GSPT1: variants seen among roughly 807,000 people sequenced by gnomAD.
GSPT1 encodes G1 to S phase transition 1.
Under a neutral mutation model 72.5 loss-of-function variants are expected in GSPT1, and 20 were observed. That is an observed-to-expected ratio of 0.28 (90% CI 0.19 to 0.40). The LOEUF (loss-of-function observed/expected upper bound fraction) is 0.40, where lower values mean the gene tolerates loss of function less well. Among genes scored for constraint, GSPT1 ranks in the 10% least tolerant of loss-of-function variants. GSPT1 has a pLI of 1.00. For missense variants in GSPT1, 580 were observed against 811.9 expected, an observed-to-expected ratio of 0.71 and a Z score of 3.47; for synonymous variants, 334 against 293.5, an observed-to-expected ratio of 1.14 and a Z score of -1.41.
At chr16:11,895,340 A>G in intron 4 of GSPT1, 1 of 179,264 alleles carries the variant, frequency 5.6e-6, no homozygotes. Flanking sequence ...CTGAGGCAGG[A>G]GAATCGCGTG....
At chr16:11,912,433 T>C (rs1049695776) in intron 1 of GSPT1, among the ~76,000 whole-genome samples, 2 of 152,110 alleles carry the variant, frequency 1.3e-5, no homozygotes, top group African/African-American at 4.8e-5. Context: ...ACAGAATGTT[T>C]CTCTTTAAAA....
upstream of GSPT1, chr16:11,915,975 C>T: frequency 1.4e-6 from 1 of 713,282 alleles, no homozygotes; most frequent in Non-Finnish European, 2.6e-6. Context: ...TCCCACCCAA[C>T]CACCTCCGAC....
At position 11,875,849 on chromosome 16, in the gene GSPT1, G is replaced by A. The variant is rs1292873394; in HGVS notation, c.1773C>T (p.Cys591=). ...RPRFVKQDQV[C]IARLRTAGTI... is the part of the protein sequence containing the mutation. The stretch of plus-strand genomic sequence containing the variant: ...TTCCTGCTGTCCTTAAGCGAGCAAT[G>A]CATACTTGATCTTGTTTGACAAAAC... Residue 591 remains cysteine, a synonymous_variant, in exon 14 of 15, where the codon TGC becomes TGT. Transcript: ENST00000434724. The A allele has an allele frequency of 1.2e-6, 2 of 1,613,282 alleles. No homozygotes were observed. Among genetic ancestry groups the A allele is most frequent in the East Asian group, 2.2e-5 (1 of 44,872 alleles).
chr16:11,887,989 CTGTCTCTACCGAAA>C (rs1234649495), intron 6 of GSPT1, among the ~76,000 whole-genome samples: 6 of 151,946 alleles, frequency 3.9e-5, no homozygotes. Context: ...TGGTGAAGCC[CTGTCTCTACCGAAA>C]ATACAAAAAT....
rs2053961733 is a variant in GSPT1, at chr16:11,870,068, T to C, written c.*3051A>G. On this transcript the variant is annotated 3_prime_UTR_variant, in exon 15 of 15. Coordinates refer to ENST00000434724, the MANE Select transcript of GSPT1 (RefSeq NM_002094.4). ...GTGAACAACCTGCACTGTTAGAGTT[T>C]AGGAACTTTTGACATTCGGTTATCA... 6.6e-6 allele frequency: 1 copy of C among 152,126 alleles called. No individual in the cohort carries two copies. Among genetic ancestry groups the C allele is most frequent in the African/African-American group, 2.4e-5 (1 of 41,440 alleles). 9.4% of individuals were successfully genotyped at this position (152,126 alleles called of 1,614,324 possible).
At chr16:11,906,885 C>A (rs1365329994) in intron 1 of GSPT1, among the ~76,000 whole-genome samples, 1 of 152,102 alleles carries the variant, frequency 6.6e-6, no homozygotes, top group African/African-American at 2.4e-5. Context: ...ACGATCCCAT[C>A]TCTGAACAAA....
At chr16:11,908,108 G>A (rs1402620408) in intron 1 of GSPT1, 1 of 152,370 alleles carries the variant, frequency 6.6e-6, no homozygotes, top group Non-Finnish European at 1.5e-5. Flanking sequence ...TGGGGATGGT[G>A]GTGCACACGT....
At chr16:11,888,426 C>T (rs1305440728) in intron 6 of GSPT1, among the ~76,000 whole-genome samples, 1 of 149,772 alleles carries the variant, frequency 6.7e-6, no homozygotes, top group Admixed American at 6.7e-5. Context: ...CGTGCCATCG[C>T]ACTCCAGGCT....
intron 4 of GSPT1, chr16:11,895,450 C>T (rs955100908): frequency 1.4e-5 from 2 of 143,670 alleles, no homozygotes; most frequent in African/African-American, 5.1e-5. Flanking sequence ...AAAAAAAAAC[C>T]ACTTAAAAAC....
chr16:11,876,962 T>C (rs1340468352), intron 12 of GSPT1, among the ~76,000 whole-genome samples: 8 of 152,172 alleles, frequency 5.3e-5, no homozygotes, highest in African/African-American at 1.9e-4. Context: ...AAAAGAACTT[T>C]AAAAAATTCT....
Position 11,886,779 on chromosome 16 carries a change from C to T in GSPT1, c.1110G>A (p.Glu370=), listed in dbSNP as rs780271036. 3 of 1,613,298 alleles carry T rather than the reference C, an allele frequency of 1.9e-6. No homozygotes were observed. The highest frequency in any genetic ancestry group is 4.5e-5 in the East Asian group (2 of 44,866). Residue 370 remains glutamate, a splice_region_variant and synonymous_variant, in exon 8 of 15, where the codon GAG becomes GAA. Transcript: ENST00000434724. The part of the protein sequence containing the change: ...MDDPTVNWSN[E]RYEECKEKLV... ...AAATACCAGACATCTACGCTCACCTCTCATTGCTCCAATTTACTGTTGGAT... is the reference window on the plus strand; with the variant it reads ...AAATACCAGACATCTACGCTCACCTTTCATTGCTCCAATTTACTGTTGGAT...
chr16:11,891,447 T>C (rs1257664316), intron 5 of GSPT1, among the ~76,000 whole-genome samples: 1 of 150,958 alleles, frequency 6.6e-6, no homozygotes. Flanking sequence ...CTGCAACCTC[T>C]GCCTCCTGGG....
At chr16:11,874,575 A>C (rs1281960316) in intron 14 of GSPT1, among the ~76,000 whole-genome samples, 1 of 148,200 alleles carries the variant, frequency 6.7e-6, no homozygotes, top group East Asian at 2.0e-4. Context: ...TGATTTTATC[A>C]GGTTCTGAGT....
At chr16:11,876,057 C>A in intron 13 of GSPT1, 29 bp downstream of exon 13, 2 of 1,510,074 alleles carry the variant, frequency 1.3e-6, no homozygotes, top group Non-Finnish European at 1.8e-6. Context: ...AGTATTAAAA[C>A]AGAAATAAAC....
chr16:11,915,253 C>A, intron 1 of GSPT1, 116 bp downstream of exon 1: 1 of 1,179,718 alleles, frequency 8.5e-7, no homozygotes. Flanking sequence ...GACGGCGCCA[C>A]TGTCAGCGCC....
intron 1 of GSPT1, among the ~76,000 whole-genome samples, chr16:11,910,125 A>T (rs2054540068): frequency 6.6e-6 from 1 of 152,200 alleles, no homozygotes; most frequent in African/African-American, 2.4e-5. Context: ...AAGTTTTTTA[A>T]AATACACACA....
At chr16:11,874,454 CTT>C (rs200991035) in intron 14 of GSPT1, among the ~76,000 whole-genome samples, 273 of 95,844 alleles carry the variant, frequency 2.8e-3, no homozygotes, top group African/African-American at 0.01. Flanking sequence ...GCCAAGTTAG[CTT>C]TTTTTTTTTT....
In GSPT1 at chr16:11,876,135, T is replaced by C. The variant is rs1346903152; in HGVS notation, c.1643A>G (p.Tyr548Cys). 3.1e-6 allele frequency: 5 copies of C among 1,609,458 alleles called. No individual in the cohort carries two copies. The highest frequency in any genetic ancestry group is 1.3e-5 in the African/African-American group (1 of 74,870). The change falls in exon 13 of 15, where the codon TAT (tyrosine) becomes TGT (cysteine). Residue 548 changes from tyrosine to cysteine, a missense_variant. By Grantham distance (194) the Tyr-to-Cys change is radical. Coordinates refer to ENST00000434724, the MANE Select transcript of GSPT1 (RefSeq NM_002094.4). ...IEHKSIICPG[Y>C]NAVLHIHTCI... ...GGTATGAATATGCAGCACCGCATTA[T>C]AGCCTGGGCAGATGATGGATTTGTG...
intron 4 of GSPT1, chr16:11,895,372 A>T (rs1418155036): frequency 6.0e-6 from 1 of 165,790 alleles, no homozygotes; most frequent in Non-Finnish European, 1.3e-5. Context: ...CAGAGGTTGC[A>T]CTAAGCTGAA....
Sources: gnomAD v4.1 joint callset for allele counts (sites outside exome capture counted in the v4.1 genomes callset) on GRCh38, gnomAD v4.1.1 for gene constraint, MANE v1.5 for transcripts, NCBI Gene and HGNC (gene_info 2026-07-23, HGNC 2026-07-21) for gene names.